The following PCDH7 variants were observed in gnomAD, a reference collection of about 807,000 sequenced individuals.
PCDH7 encodes the protein protocadherin-7.
Under a neutral mutation model 58.9 loss-of-function variants are expected in PCDH7, and 17 were observed. That is an observed-to-expected ratio of 0.29 (90% CI 0.20 to 0.43). The LOEUF is 0.43. PCDH7 is among the 20% of genes least tolerant of loss of function. The pLI, the probability that PCDH7 is intolerant of heterozygous loss-of-function variation, is 1.00. For missense variants in PCDH7, 1,274 were observed against 1,441.0 expected (o/e 0.88, Z 1.88); for synonymous variants, 664 against 616.4 (o/e 1.08, Z -1.14).
intron 3 of PCDH7, among the ~76,000 whole-genome samples, chr4:31,080,322 G>T (rs1338447248): frequency 6.6e-6 from 1 of 151,644 alleles, no homozygotes. Flanking sequence ...GATCAACCTT[G>T]ATTAATCAAA....
intron 1 of PCDH7, among the ~76,000 whole-genome samples, chr4:30,843,366 C>T (rs942415398): frequency 1.3e-5 from 2 of 151,968 alleles, no homozygotes; most frequent in East Asian, 3.9e-4. Context: ...GCTAATTTTT[C>T]AGTTATTAGT....
At chr4:30,953,568 G>GA (rs879551188) in intron 3 of PCDH7, among the ~76,000 whole-genome samples, 145 of 142,392 alleles carry the variant, frequency 1.0e-3, no homozygotes, top group Middle Eastern at 7.2e-3. Flanking sequence ...CACCTTCAAG[G>GA]AAAAAAAAAA....
intron 1 of PCDH7, among the ~76,000 whole-genome samples, chr4:30,914,669 A>G (rs1438424193): frequency 6.6e-6 from 1 of 152,208 alleles, no homozygotes; most frequent in Non-Finnish European, 1.5e-5. Flanking sequence ...ACAATGGGCC[A>G]TAACTCTAGT....
intron 1 of PCDH7, among the ~76,000 whole-genome samples, chr4:30,874,585 A>T (rs1424714609): frequency 3.9e-5 from 6 of 151,932 alleles, no homozygotes; most frequent in Non-Finnish European, 8.8e-5. Context: ...GATATACCTA[A>T]TGCTAAATGA....
chr4:31,079,351 T>TATATATATATATATAGATATAG (rs1759302779), intron 3 of PCDH7, among the ~76,000 whole-genome samples: 1 of 83,504 alleles, frequency 1.2e-5, no homozygotes, highest in Non-Finnish European at 2.3e-5. Context: ...TATATATATA[T>TATATATATATATATAGATATAG]ATATATATAT....
At chr4:30,773,819 A>G (rs536043554) in intron 1 of PCDH7, among the ~76,000 whole-genome samples, 7 of 152,182 alleles carry the variant, frequency 4.6e-5, no homozygotes, top group South Asian at 2.1e-4. Context: ...ATTTTTCTGT[A>G]TATCTTCTGA....
At chr4:30,925,290 C>T (rs1284734296) in intron 2 of PCDH7, among the ~76,000 whole-genome samples, 1 of 152,080 alleles carries the variant, frequency 6.6e-6, no homozygotes, top group African/African-American at 2.4e-5. Context: ...AGACCAAAGG[C>T]ATATCTTTGT....
intron 3 of PCDH7, among the ~76,000 whole-genome samples, chr4:31,096,414 G>T (rs1249260106): frequency 1.3e-5 from 2 of 152,126 alleles, no homozygotes; most frequent in South Asian, 2.1e-4. Flanking sequence ...GATATAAAAA[G>T]GATCTAAAGA....
intron 1 of PCDH7, among the ~76,000 whole-genome samples, chr4:30,888,265 G>A (rs1738118245): frequency 6.7e-6 from 1 of 149,938 alleles, no homozygotes. Context: ...TTTCTATGAA[G>A]TAGTCTTATG....
chr4:31,088,928 A>T (rs1421881531), intron 3 of PCDH7, among the ~76,000 whole-genome samples: 1 of 152,098 alleles, frequency 6.6e-6, no homozygotes, highest in East Asian at 1.9e-4. Context: ...TTTTAATTAC[A>T]TGTTACAGTA....
chr4:30,955,581 G>A (rs376977609), intron 3 of PCDH7, among the ~76,000 whole-genome samples: 8 of 150,196 alleles, frequency 5.3e-5, no homozygotes, highest in South Asian at 2.1e-4. Flanking sequence ...AGTCTCTGTC[G>A]CCCAGGCTGG....
intron 3 of PCDH7, among the ~76,000 whole-genome samples, chr4:31,095,581 A>G (rs13129032): frequency 0.2 from 30,162 of 152,106 alleles, 3,243 homozygotes; most frequent in East Asian, 0.47. Flanking sequence ...AAATAATTTC[A>G]GTATAGATAT....
At chr4:30,895,418 G>A (rs1402513846) in intron 1 of PCDH7, among the ~76,000 whole-genome samples, 1 of 152,130 alleles carries the variant, frequency 6.6e-6, no homozygotes, top group East Asian at 1.9e-4. Flanking sequence ...AAGCTTCTGA[G>A]CAGTGTGGCT....
chr4:30,968,095 A>G (rs1473220779), intron 3 of PCDH7, among the ~76,000 whole-genome samples: 1 of 151,732 alleles, frequency 6.6e-6, no homozygotes, highest in East Asian at 1.9e-4. Flanking sequence ...ACTAGGTCAT[A>G]AACACAAGGA....
chr4:30,935,619 T>TA (rs1310148016), intron 2 of PCDH7, among the ~76,000 whole-genome samples: 3 of 152,110 alleles, frequency 2.0e-5, no homozygotes. Flanking sequence ...ATTAATCAAG[T>TA]AATTACTAAA....
At chr4:30,929,644 G>A (rs955026837) in intron 2 of PCDH7, among the ~76,000 whole-genome samples, 5 of 152,040 alleles carry the variant, frequency 3.3e-5, no homozygotes, top group African/African-American at 7.3e-5. Flanking sequence ...ACAGACAATA[G>A]GATAGTATCC....
intron 1 of PCDH7, among the ~76,000 whole-genome samples, chr4:30,788,202 C>T (rs1217717784): frequency 6.6e-6 from 1 of 151,988 alleles, no homozygotes; most frequent in Non-Finnish European, 1.5e-5. Flanking sequence ...TGTGCTTTCC[C>T]CCACTTTTCT....
intron 1 of PCDH7, among the ~76,000 whole-genome samples, chr4:30,887,221 C>G (rs1737946390): frequency 6.6e-6 from 1 of 152,076 alleles, no homozygotes; most frequent in African/African-American, 2.4e-5. Flanking sequence ...AAATAATAAT[C>G]CCCTGTTGAT....
At chr4:30,883,225 A>G (rs1051793056) in intron 1 of PCDH7, among the ~76,000 whole-genome samples, 3 of 152,180 alleles carry the variant, frequency 2.0e-5, no homozygotes, top group African/African-American at 7.2e-5. Flanking sequence ...TTATAGAGGA[A>G]AAAACCTAGG....
Sources: gnomAD v4.1 joint callset for allele counts (sites outside exome capture counted in the v4.1 genomes callset) on GRCh38, gnomAD v4.1.1 for gene constraint, MANE v1.5 for transcripts, NCBI Gene and HGNC (gene_info 2026-07-23, HGNC 2026-07-21) for gene names.